The following STYK1 variants were observed in gnomAD, a reference collection of about 807,000 sequenced individuals.
The protein encoded by STYK1 is tyrosine-protein kinase STYK1.
STYK1 carries 46 observed loss-of-function variants against 48.1 expected under a neutral mutation model. The ratio of observed to expected loss-of-function variants is 0.96; its 90% confidence interval spans 0.75 to 1.22. The LOEUF (loss-of-function observed/expected upper bound fraction) is 1.22. Ranked by LOEUF, STYK1 falls within the 50% of genes most tolerant of loss-of-function variation. STYK1 has a pLI of 0.00. For synonymous variants in STYK1, 188 were observed against 189.0 expected (o/e 0.99, Z 0.04); for missense variants, 527 against 521.1 (o/e 1.01, Z -0.11).
At chr12:10,621,626 C>T (rs1049561475) in intron 10 of STYK1, among the ~76,000 whole-genome samples, 3 of 151,586 alleles carry the variant, frequency 2.0e-5, no homozygotes, top group East Asian at 3.9e-4. Flanking sequence ...TAGTTCTCAG[C>T]GTGTGGTGGG....
Position 10,634,683 on chromosome 12 carries a change from A to G in STYK1, c.-65T>C. On this transcript the variant is annotated 5_prime_UTR_variant, in exon 3 of 11. Coordinates refer to ENST00000075503, the MANE Select transcript of STYK1 (RefSeq NM_018423.3). Reference sequence around the variant, plus strand: ...AATGCACACAGCACAGCTGTGAGTAATTCCTAAGGATTGAGTGGTTTTTGA... The same window carrying G: ...AATGCACACAGCACAGCTGTGAGTAGTTCCTAAGGATTGAGTGGTTTTTGA... 1.3e-6 allele frequency: 2 copies of G among 1,547,688 alleles called. No homozygotes were observed. The highest frequency in any genetic ancestry group is 1.8e-6 in the Non-Finnish European group (2 of 1,132,800).
chr12:10,630,928 A>G, intron 5 of STYK1, 117 bp downstream of exon 5: 1 of 1,357,706 alleles, frequency 7.4e-7, no homozygotes, highest in Non-Finnish European at 1.0e-6. Flanking sequence ...CCACTCTATT[A>G]CCTTCTTCTG....
chr12:10,631,669 T>G (rs1401294130), intron 4 of STYK1, among the ~76,000 whole-genome samples: 1 of 152,214 alleles, frequency 6.6e-6, no homozygotes, highest in East Asian at 1.9e-4. Context: ...TGGAGGTAAC[T>G]GCCAGTGAGA....
At chr12:10,650,000 G>C (rs1326338342) in intron 1 of STYK1, among the ~76,000 whole-genome samples, 1 of 151,648 alleles carries the variant, frequency 6.6e-6, no homozygotes, top group Non-Finnish European at 1.5e-5. Context: ...TGTAGTCCCA[G>C]CTACTCGGGA....
intron 1 of STYK1, among the ~76,000 whole-genome samples, chr12:10,654,640 T>TAA (rs918790347): frequency 2.6e-5 from 4 of 152,160 alleles, no homozygotes; most frequent in African/African-American, 7.2e-5. Context: ...CAGAGAGGGT[T>TAA]AAGGCCCCTC....
chr12:10,638,386 A>G (rs1462739860), intron 1 of STYK1, among the ~76,000 whole-genome samples: 1 of 152,212 alleles, frequency 6.6e-6, no homozygotes, highest in Admixed American at 6.5e-5. Context: ...CTGAGAAGAA[A>G]CAGTGCAATG....
At chr12:10,631,344 C>T (rs764301193) in intron 4 of STYK1, 36 bp from the exon 5 acceptor site, 21 of 1,598,860 alleles carry the variant, frequency 1.3e-5, no homozygotes, top group Middle Eastern at 1.7e-4. Context: ...AGTTTTTCCC[C>T]GCCCTGGGGA....
chr12:10,623,522 T>C (rs986351719), intron 8 of STYK1, among the ~76,000 whole-genome samples: 2 of 152,210 alleles, frequency 1.3e-5, no homozygotes, highest in Non-Finnish European at 2.9e-5. Context: ...TTATATGTAG[T>C]TATATAATCA....
chr12:10,645,678 G>C (rs935515313), intron 1 of STYK1, among the ~76,000 whole-genome samples: 3 of 152,304 alleles, frequency 2.0e-5, no homozygotes, highest in African/African-American at 7.2e-5. Context: ...TCAAACCAGA[G>C]AGCACATTAG....
At chr12:10,620,775 C>T (rs1865895289) in intron 10 of STYK1, among the ~76,000 whole-genome samples, 1 of 152,130 alleles carries the variant, frequency 6.6e-6, no homozygotes, top group Admixed American at 6.5e-5. Flanking sequence ...CAGATATCTC[C>T]TCATCAAAAT....
At chr12:10,673,272 G>A (rs1334403705) in intron 1 of STYK1, among the ~76,000 whole-genome samples, 1 of 152,148 alleles carries the variant, frequency 6.6e-6, no homozygotes, top group Admixed American at 6.5e-5. Context: ...AGCTACTTGG[G>A]AGGCTGAGGC....
intron 1 of STYK1, among the ~76,000 whole-genome samples, chr12:10,659,241 G>A (rs1947750841): frequency 6.6e-6 from 1 of 152,094 alleles, no homozygotes; most frequent in Admixed American, 6.5e-5. Flanking sequence ...TGAGTTATCT[G>A]TAGCTTGTGG....
At chr12:10,656,554 G>A (rs1360863387) in intron 1 of STYK1, among the ~76,000 whole-genome samples, 1 of 152,156 alleles carries the variant, frequency 6.6e-6, no homozygotes, top group Non-Finnish European at 1.5e-5. Context: ...GAACCTGGGA[G>A]GCGGAGCTTG....
intron 1 of STYK1, among the ~76,000 whole-genome samples, chr12:10,665,780 T>A (rs1947827749): frequency 6.6e-6 from 1 of 152,198 alleles, no homozygotes; most frequent in Non-Finnish European, 1.5e-5. Context: ...TCTGCTTCTT[T>A]TTTCTTCCTC....
chr12:10,664,108 A>G (rs930134234), intron 1 of STYK1, among the ~76,000 whole-genome samples: 2 of 152,206 alleles, frequency 1.3e-5, no homozygotes, highest in Non-Finnish European at 2.9e-5. Flanking sequence ...TATGTGAAGC[A>G]GCATGGTGTA....
intron 10 of STYK1, 43 bp downstream of exon 10, chr12:10,621,816 TGATAGAGGGCTAAACAA>T: frequency 6.6e-7 from 1 of 1,512,792 alleles, no homozygotes; most frequent in Non-Finnish European, 9.2e-7. Context: ...AGGGCACGAT[TGATAGAGGGCTAAACAA>T]CATTTGGAAT....
intron 2 of STYK1, among the ~76,000 whole-genome samples, chr12:10,636,720 A>G (rs993563698): frequency 1.3e-5 from 2 of 152,164 alleles, no homozygotes; most frequent in Non-Finnish European, 2.9e-5. Flanking sequence ...GATTATCAGA[A>G]GTAATTGTTT....
At chr12:10,666,267 C>T (rs754565380) in intron 1 of STYK1, among the ~76,000 whole-genome samples, 4 of 152,168 alleles carry the variant, frequency 2.6e-5, no homozygotes, top group Admixed American at 2.0e-4. Flanking sequence ...ACTTGACATA[C>T]AATTGGTCCT....
At chr12:10,664,397 T>C (rs1947813083) in intron 1 of STYK1, among the ~76,000 whole-genome samples, 1 of 152,130 alleles carries the variant, frequency 6.6e-6, no homozygotes. Context: ...CTGACTGAGA[T>C]TCTAGTAAAA....
Sources: gnomAD v4.1 joint callset for allele counts (sites outside exome capture counted in the v4.1 genomes callset) on GRCh38, gnomAD v4.1.1 for gene constraint, MANE v1.5 for transcripts, NCBI Gene and HGNC (gene_info 2026-07-23, HGNC 2026-07-21) for gene names.